CDH8: variants seen among roughly 807,000 people sequenced by gnomAD.
CDH8 encodes cadherin 8.
CDH8 carries 17 observed loss-of-function variants against 68.1 expected under a neutral mutation model. The observed-to-expected ratio is 0.25, with a 90% confidence interval of 0.17 to 0.37. CDH8 has a LOEUF of 0.37. CDH8 is among the 10% of genes least tolerant of loss of function. The pLI is 1.00. For missense variants in CDH8, 763 were observed against 999.3 expected, an observed-to-expected ratio of 0.76 and a Z score of 3.19; for synonymous variants, 372 against 365.1, an observed-to-expected ratio of 1.02 and a Z score of -0.21.
At chr16:61,721,663 AT>A (rs1322370841) in intron 9 of CDH8, among the ~76,000 whole-genome samples, 15 of 150,524 alleles carry the variant, frequency 1.0e-4, no homozygotes, top group Admixed American at 9.3e-4. Flanking sequence ...TTGAAAAAAA[AT>A]GTTCACTCTT....
At chr16:61,809,083 A>G (rs1395573289) in intron 7 of CDH8, among the ~76,000 whole-genome samples, 11 of 151,964 alleles carry the variant, frequency 7.2e-5, no homozygotes, top group Admixed American at 4.6e-4. Flanking sequence ...TTACTCGGGA[A>G]GCTGAGGCAG....
At chr16:61,854,129 TAC>T (rs3069985) in intron 4 of CDH8, among the ~76,000 whole-genome samples, 27,868 of 145,124 alleles carry the variant, frequency 0.19, 3,251 homozygotes, top group African/African-American at 0.35. Context: ...CATATACACA[TAC>T]ACACACACAC....
At chr16:61,897,283 C>T (rs949084596) in intron 3 of CDH8, among the ~76,000 whole-genome samples, 4 of 151,730 alleles carry the variant, frequency 2.6e-5, no homozygotes, top group African/African-American at 9.7e-5. Flanking sequence ...GACGGAGTCT[C>T]GCACTGTCTC....
intron 7 of CDH8, among the ~76,000 whole-genome samples, chr16:61,790,574 A>T (rs1363793917): frequency 1.3e-5 from 2 of 152,076 alleles, no homozygotes; most frequent in Non-Finnish European, 2.9e-5. Flanking sequence ...ATTGATACTC[A>T]TTAAACTCAA....
At chr16:61,849,494 A>G (rs1042128572) in intron 4 of CDH8, among the ~76,000 whole-genome samples, 2 of 152,112 alleles carry the variant, frequency 1.3e-5, no homozygotes, top group Non-Finnish European at 2.9e-5. Flanking sequence ...CACATGTAAC[A>G]GAATTAGCCA....
chr16:61,719,135 T>C (rs1442389336), intron 9 of CDH8, among the ~76,000 whole-genome samples: 1 of 150,982 alleles, frequency 6.6e-6, no homozygotes, highest in Non-Finnish European at 1.5e-5. Context: ...ACCATTTTTT[T>C]TTTTTTTGGC....
chr16:61,759,189 C>T (rs11866724), intron 8 of CDH8, among the ~76,000 whole-genome samples: 3,478 of 152,024 alleles, frequency 0.023, 140 homozygotes, highest in African/African-American at 0.08. Flanking sequence ...AAGAAACTTA[C>T]AAAATATTTA....
intron 8 of CDH8, among the ~76,000 whole-genome samples, chr16:61,750,226 C>G (rs1445772980): frequency 6.6e-6 from 1 of 152,056 alleles, no homozygotes; most frequent in African/African-American, 2.4e-5. Flanking sequence ...TTGGCTCACT[C>G]TAAGGAGTTG....
intron 10 of CDH8, among the ~76,000 whole-genome samples, chr16:61,658,619 CCT>C (rs1567406913): frequency 1.3e-5 from 2 of 151,850 alleles, no homozygotes; most frequent in Admixed American, 1.3e-4. Context: ...CCATGAATAC[CCT>C]GTTTCTTATG....
chr16:61,706,255 T>A (rs1411331364), intron 10 of CDH8, among the ~76,000 whole-genome samples: 1 of 152,116 alleles, frequency 6.6e-6, no homozygotes, highest in East Asian at 1.9e-4. Context: ...TGATTTAAAA[T>A]GGGCTAAATA....
At chr16:61,814,206 G>A (rs1962022653) in intron 7 of CDH8, among the ~76,000 whole-genome samples, 1 of 152,122 alleles carries the variant, frequency 6.6e-6, no homozygotes, top group Admixed American at 6.5e-5. Flanking sequence ...TTCTCCGACT[G>A]GGAAGTAGTA....
chr16:61,962,992 G>A (rs566033130), intron 2 of CDH8, among the ~76,000 whole-genome samples: 10 of 152,028 alleles, frequency 6.6e-5, no homozygotes, highest in African/African-American at 2.2e-4. Flanking sequence ...TAATGACTAT[G>A]CACCATTCCA....
At chr16:61,779,999 C>T (rs970093223) in intron 8 of CDH8, among the ~76,000 whole-genome samples, 4 of 152,160 alleles carry the variant, frequency 2.6e-5, no homozygotes, top group Admixed American at 6.5e-5. Flanking sequence ...CCTGTACCTC[C>T]ACTCTCATCC....
intron 10 of CDH8, among the ~76,000 whole-genome samples, chr16:61,712,138 T>C (rs1264105823): frequency 1.3e-5 from 2 of 151,726 alleles, no homozygotes; most frequent in Admixed American, 6.6e-5. Context: ...TGAAGCAGAA[T>C]GAGGTATTCT....
intron 8 of CDH8, among the ~76,000 whole-genome samples, chr16:61,739,931 C>G (rs1959818478): frequency 1.1e-5 from 1 of 87,012 alleles, no homozygotes; most frequent in African/African-American, 4.7e-5. Context: ...TTTTTTGAGA[C>G]AAAGTCTTGC....
At chr16:61,953,875 T>A (rs1964934369) in intron 2 of CDH8, among the ~76,000 whole-genome samples, 1 of 115,426 alleles carries the variant, frequency 8.7e-6, no homozygotes, top group Non-Finnish European at 1.7e-5. Flanking sequence ...AGACTCTGTC[T>A]CAAAAAGAAA....
chr16:61,826,203 A>C (rs1404992823), intron 4 of CDH8, among the ~76,000 whole-genome samples: 1 of 151,804 alleles, frequency 6.6e-6, no homozygotes, highest in Non-Finnish European at 1.5e-5. Flanking sequence ...GTTTTTGAAA[A>C]ACTTCCTTGT....
chr16:62,013,738 A>G (rs1901872761), intron 2 of CDH8, among the ~76,000 whole-genome samples: 1 of 152,164 alleles, frequency 6.6e-6, no homozygotes, highest in Non-Finnish European at 1.5e-5. Context: ...ATATTTGCCC[A>G]ATGCTTCCCT....
At chr16:62,005,550 A>G (rs947960340) in intron 2 of CDH8, among the ~76,000 whole-genome samples, 1 of 151,948 alleles carries the variant, frequency 6.6e-6, no homozygotes, top group African/African-American at 2.4e-5. Context: ...ATCCTGGCCA[A>G]CATGGTGAAA....
Sources: gnomAD v4.1 joint callset for allele counts (sites outside exome capture counted in the v4.1 genomes callset) on GRCh38, gnomAD v4.1.1 for gene constraint, MANE v1.5 for transcripts, NCBI Gene and HGNC (gene_info 2026-07-23, HGNC 2026-07-21) for gene names.